Variants in FOCAD observed in about 807,000 individuals in gnomAD.
FOCAD encodes focadhesin, also known as KIAA1797.
A neutral mutation model predicts 225.6 loss-of-function variants in FOCAD; 198 were observed. That is an observed-to-expected ratio of 0.88 (90% CI 0.78 to 0.99). FOCAD has a LOEUF of 0.99. Among genes scored for constraint, FOCAD ranks in the 50% least tolerant of loss-of-function variants. FOCAD has a pLI of 0.00. For synonymous variants in FOCAD, 897 were observed against 755.0 expected, an observed-to-expected ratio of 1.19 and a Z score of -3.08; for missense variants, 2,713 against 2,123.6, an observed-to-expected ratio of 1.28 and a Z score of -5.46.
At chr9:20,772,837 C>G (rs907044773) in intron 8 of FOCAD, among the ~76,000 whole-genome samples, 2 of 151,790 alleles carry the variant, frequency 1.3e-5, no homozygotes, top group Non-Finnish European at 2.9e-5. Flanking sequence ...TTTATATATA[C>G]TGGGACTCTA....
chr9:20,845,443 A>ATATATATATATATATATATG, intron 15 of FOCAD, among the ~76,000 whole-genome samples: 1 of 12,898 alleles, frequency 7.8e-5, no homozygotes, highest in African/African-American at 2.4e-4. Flanking sequence ...CTTTTCCTCG[A>ATATATATATATATATATATG]TATATATATA....
At chr9:20,867,691 A>G (rs1829409963) in intron 18 of FOCAD, among the ~76,000 whole-genome samples, 1 of 152,096 alleles carries the variant, frequency 6.6e-6, no homozygotes, top group Admixed American at 6.6e-5. Flanking sequence ...ATTTAGTGCC[A>G]CTATGAATTC....
At chr9:20,700,392 T>C (rs975354421) in intron 1 of FOCAD, among the ~76,000 whole-genome samples, 1 of 151,088 alleles carries the variant, frequency 6.6e-6, no homozygotes, top group Non-Finnish European at 1.5e-5. Flanking sequence ...ACATGTGTTC[T>C]TTGATTTTTT....
chr9:20,666,606 C>T (rs17831954), intron 2 of FOCAD, among the ~76,000 whole-genome samples: 26,081 of 152,054 alleles, frequency 0.17, 2,291 homozygotes, highest in Non-Finnish European at 0.19. Context: ...TACTCTTACT[C>T]AGATAGGTAC....
chr9:20,723,810 G>A (rs1825984242), intron 4 of FOCAD, among the ~76,000 whole-genome samples: 1 of 152,112 alleles, frequency 6.6e-6, no homozygotes, highest in Non-Finnish European at 1.5e-5. Flanking sequence ...AAATACCTAA[G>A]GCTGGGTAAT....
At chr9:20,809,633 T>C (rs1395464044) in intron 11 of FOCAD, among the ~76,000 whole-genome samples, 2 of 152,188 alleles carry the variant, frequency 1.3e-5, no homozygotes, top group African/African-American at 4.8e-5. Context: ...GTCTTACTTT[T>C]TGTCTATAGA....
chr9:20,687,945 T>C (rs1822761211), intron 1 of FOCAD, among the ~76,000 whole-genome samples: 1 of 152,068 alleles, frequency 6.6e-6, no homozygotes, highest in African/African-American at 2.4e-5. Context: ...AGTTTGAAAG[T>C]GAGTAGGAAT....
chr9:20,754,811 C>G (rs1828899887), intron 5 of FOCAD, among the ~76,000 whole-genome samples: 1 of 151,984 alleles, frequency 6.6e-6, no homozygotes, highest in Non-Finnish European at 1.5e-5. Flanking sequence ...TTATGTGGCC[C>G]AAAATGTCAG....
chr9:20,682,372 G>C (rs1002079192), upstream of FOCAD, among the ~76,000 whole-genome samples: 1 of 152,188 alleles, frequency 6.6e-6, no homozygotes, highest in Non-Finnish European at 1.5e-5. Context: ...TACTCATTGA[G>C]CACCAGGGTG....
chr9:20,744,027 G>A (rs941833883), intron 5 of FOCAD, among the ~76,000 whole-genome samples: 1 of 152,156 alleles, frequency 6.6e-6, no homozygotes, highest in African/African-American at 2.4e-5. Flanking sequence ...GACTGTAAAG[G>A]AAAAGCACTC....
intron 10 of FOCAD, among the ~76,000 whole-genome samples, chr9:20,784,756 A>G (rs1357240458): frequency 6.6e-6 from 1 of 152,210 alleles, no homozygotes; most frequent in East Asian, 1.9e-4. Context: ...GAAGTAGTAT[A>G]TAGTAAGCAG....
At chr9:20,902,085 C>A (rs1832608279) in intron 21 of FOCAD, among the ~76,000 whole-genome samples, 1 of 151,802 alleles carries the variant, frequency 6.6e-6, no homozygotes, top group Admixed American at 6.6e-5. Context: ...ATATTTAGTT[C>A]TGTTAAACTC....
chr9:20,872,166 C>G (rs533023267), intron 18 of FOCAD, among the ~76,000 whole-genome samples: 1 of 152,178 alleles, frequency 6.6e-6, no homozygotes, highest in African/African-American at 2.4e-5. Context: ...ATGCTATTCA[C>G]TGCATAGAAG....
intron 1 of FOCAD, among the ~76,000 whole-genome samples, chr9:20,708,896 G>A (rs1352444240): frequency 2.6e-5 from 4 of 152,002 alleles, no homozygotes; most frequent in African/African-American, 4.8e-5. Context: ...GTCTGTCTTC[G>A]TCATCATTGG....
chr9:20,797,533 A>G (rs1233888930), intron 11 of FOCAD, among the ~76,000 whole-genome samples: 3 of 152,070 alleles, frequency 2.0e-5, no homozygotes, highest in Non-Finnish European at 4.4e-5. Flanking sequence ...GGTCCTTCAC[A>G]TCCCTTGTAA....
intron 7 of FOCAD, 92 bp from the exon 8 acceptor site, chr9:20,769,940 A>C: frequency 8.3e-7 from 1 of 1,207,056 alleles, no homozygotes. Flanking sequence ...GGTTTAGAGA[A>C]AAAATTACAT....
At chr9:20,731,043 C>G (rs535840749) in intron 4 of FOCAD, among the ~76,000 whole-genome samples, 82 of 152,276 alleles carry the variant, frequency 5.4e-4, no homozygotes, top group Non-Finnish European at 6.3e-4. Context: ...TAAGACCAGC[C>G]TGGCCAACAT....
intron 20 of FOCAD, 57 bp downstream of exon 20, chr9:20,882,113 C>A: frequency 6.7e-7 from 1 of 1,495,368 alleles, no homozygotes; most frequent in South Asian, 1.2e-5. Flanking sequence ...ATTTAACTTC[C>A]ACTTTCAAGT....
intron 35 of FOCAD, among the ~76,000 whole-genome samples, chr9:20,962,474 A>G (rs1465219093): frequency 5.5e-5 from 8 of 145,222 alleles, no homozygotes; most frequent in Non-Finnish European, 1.2e-4. Flanking sequence ...ATTCTAAGCT[A>G]AGTTACCTAT....
Sources: gnomAD v4.1 joint callset for allele counts (sites outside exome capture counted in the v4.1 genomes callset) on GRCh38, gnomAD v4.1.1 for gene constraint, MANE v1.5 for transcripts, NCBI Gene and HGNC (gene_info 2026-07-23, HGNC 2026-07-21) for gene names.